SHQ1: variants seen among roughly 807,000 people sequenced by gnomAD.
SHQ1 encodes the protein SHQ1, H/ACA ribonucleoprotein assembly factor.
Under a neutral mutation model 53.8 loss-of-function variants are expected in SHQ1, and 49 were observed. The observed-to-expected ratio is 0.91, with a 90% CI of 0.72 to 1.16. The LOEUF (loss-of-function observed/expected upper bound fraction) is 1.16, where lower values mean the gene tolerates loss of function less well. SHQ1 is among the 50% of genes most tolerant of loss of function. SHQ1 has a pLI of 0.00. For missense variants in SHQ1, 738 were observed against 683.1 expected (o/e 1.08, Z -0.90); for synonymous variants, 243 against 251.0 (o/e 0.97, Z 0.30).
the SHQ1 span, among the ~76,000 whole-genome samples, chr3:72,736,080 CT>C: frequency 6.6e-6 from 1 of 152,030 alleles, no homozygotes; most frequent in South Asian, 2.1e-4. Context: ...CCCAAGAGGA[CT>C]TTGATTGACT....
chr3:72,815,461 G>A, intron 7 of SHQ1, 58 bp from the exon 8 acceptor site: 1 of 1,335,828 alleles, frequency 7.5e-7, no homozygotes, highest in Non-Finnish European at 1.1e-6. Flanking sequence ...CATTTAAATA[G>A]ACCAAACAAA....
At chr3:72,792,838 T>C in intron 10 of SHQ1, 78 bp downstream of exon 10, 1 of 1,208,546 alleles carries the variant, frequency 8.3e-7, no homozygotes, top group Non-Finnish European at 1.2e-6. Context: ...GGTTATTTCG[T>C]TTTCTTCCTC....
Position 72,776,604 on chromosome 3 carries a change from C to T in SHQ1, c.1181+16312G>A, listed in dbSNP as rs1159132184. 2.0e-5 allele frequency among the ~76,000 whole-genome samples: 3 copies of T among 151,862 alleles called. No homozygotes were observed. The East Asian group carries it at 5.8e-4, about 29-fold the overall frequency. Reference sequence around the variant, plus strand: ...AATTTTTTTAAAAAAGTATTTACATCAGCAATAAATCGAACAAAAAAATGA... The same window carrying T: ...AATTTTTTTAAAAAAGTATTTACATTAGCAATAAATCGAACAAAAAAATGA... On this transcript the variant is annotated intron_variant, in intron 10 of 10. Transcript: ENST00000325599.
chr3:72,754,112 C>G (rs1378950023), intron 10 of SHQ1, among the ~76,000 whole-genome samples: 1 of 152,188 alleles, frequency 6.6e-6, no homozygotes, highest in Non-Finnish European at 1.5e-5. Flanking sequence ...ACAAATACTT[C>G]TCAACAATAT....
intron 10 of SHQ1, 82 bp from the exon 11 acceptor site, chr3:72,750,918 T>G: frequency 8.6e-7 from 1 of 1,163,326 alleles, no homozygotes; most frequent in Non-Finnish European, 1.2e-6. Context: ...TCCAAAAAAA[T>G]AAAGTTGAAT....
At chr3:72,734,511 C>T in the SHQ1 span, among the ~76,000 whole-genome samples, 1 of 151,434 alleles carries the variant, frequency 6.6e-6, no homozygotes, top group Non-Finnish European at 1.5e-5. Context: ...CCACCTCAGC[C>T]TCCCAAAGTG....
At chr3:72,803,557 A>G (rs1216108864) in intron 9 of SHQ1, among the ~76,000 whole-genome samples, 5 of 152,232 alleles carry the variant, frequency 3.3e-5, no homozygotes, top group Non-Finnish European at 7.3e-5. Flanking sequence ...AAGCAGCCAA[A>G]GACCTCGGCT....
intron 10 of SHQ1, among the ~76,000 whole-genome samples, chr3:72,756,489 C>G (rs1045557907): frequency 1.3e-5 from 2 of 152,142 alleles, no homozygotes; most frequent in South Asian, 2.1e-4. Context: ...GTTGGCCAGG[C>G]TGGTCTCAAA....
intron 4 of SHQ1, among the ~76,000 whole-genome samples, chr3:72,839,683 A>T (rs1708103548): frequency 6.6e-6 from 1 of 152,198 alleles, no homozygotes; most frequent in African/African-American, 2.4e-5. Flanking sequence ...GCGGGACCAG[A>T]ACCCAGGTCT....
At chr3:72,795,322 A>G (rs1014705763) in intron 9 of SHQ1, 1 of 152,264 alleles carries the variant, frequency 6.6e-6, no homozygotes, top group Non-Finnish European at 1.5e-5. Flanking sequence ...ATGGCTTATC[A>G]AAGTGGCACA....
intron 5 of SHQ1, among the ~76,000 whole-genome samples, chr3:72,826,446 A>G (rs187481241): frequency 1.3e-5 from 2 of 152,370 alleles, no homozygotes; most frequent in East Asian, 3.9e-4. Context: ...AAAATGCTAA[A>G]TAAGTCATTC....
rs189549381 is a variant in SHQ1, at chr3:72,824,571, G to C, written c.600-20C>G. ...TCAGCTCTAGGAAAAAACATTGAAA[G>C]AACTTACTATACAGGATTTCACTGG... On this transcript the variant is annotated intron_variant, in intron 5 of 10. Transcript: ENST00000325599. 2.5e-6 allele frequency: 4 copies of C among 1,601,820 alleles called. No individual in the cohort carries two copies. The highest frequency in any genetic ancestry group is 3.5e-5 in the Admixed American group (2 of 57,200).
the SHQ1 span, among the ~76,000 whole-genome samples, chr3:72,726,745 C>A: frequency 6.6e-6 from 1 of 152,158 alleles, no homozygotes; most frequent in Non-Finnish European, 1.5e-5. Flanking sequence ...TGACAGATTG[C>A]AGTGAGACAC....
At chr3:72,755,353 G>A (rs1275226506) in intron 10 of SHQ1, among the ~76,000 whole-genome samples, 1 of 152,082 alleles carries the variant, frequency 6.6e-6, no homozygotes, top group Non-Finnish European at 1.5e-5. Flanking sequence ...TTGATCCTTT[G>A]CCAAGCTTCA....
chr3:72,733,047 G>A, the SHQ1 span, among the ~76,000 whole-genome samples: 1 of 151,680 alleles, frequency 6.6e-6, no homozygotes, highest in Admixed American at 6.6e-5. Context: ...GGCCAGGAGA[G>A]CTTGAAAGGA....
the SHQ1 span, among the ~76,000 whole-genome samples, chr3:72,739,246 A>G: frequency 6.6e-6 from 1 of 152,214 alleles, no homozygotes; most frequent in South Asian, 2.1e-4. Context: ...TCGGTGCTCA[A>G]CGTGGCAACG....
intron 6 of SHQ1, 44 bp downstream of exon 6, chr3:72,824,380 G>T: frequency 6.2e-7 from 1 of 1,606,270 alleles, no homozygotes; most frequent in South Asian, 1.1e-5. Flanking sequence ...GGTACACCAT[G>T]AGATTTTAAA....
At chr3:72,814,891 A>C (rs1273044647) in intron 8 of SHQ1, among the ~76,000 whole-genome samples, 3 of 152,216 alleles carry the variant, frequency 2.0e-5, no homozygotes, top group African/African-American at 7.2e-5. Context: ...AAAACCTGCA[A>C]TACTTACCTC....
chr3:72,763,048 C>CAT (rs1559661618), intron 10 of SHQ1, among the ~76,000 whole-genome samples: 2 of 140,386 alleles, frequency 1.4e-5, no homozygotes, highest in African/African-American at 5.8e-5. Flanking sequence ...CACACACACA[C>CAT]ACACACACAC....
Sources: gnomAD v4.1 joint callset for allele counts (sites outside exome capture counted in the v4.1 genomes callset) on GRCh38, gnomAD v4.1.1 for gene constraint, MANE v1.5 for transcripts, NCBI Gene and HGNC (gene_info 2026-07-23, HGNC 2026-07-21) for gene names.